Variants in AGL observed in about 807,000 individuals in gnomAD.
The protein encoded by AGL is amylo-alpha-1,6-glucosidase and 4-alpha-glucanotransferase, also known as glycogen debranching enzyme.
A neutral mutation model predicts 199.3 loss-of-function variants in AGL; 128 were observed. The ratio of observed to expected loss-of-function variants is 0.64; its 90% CI spans 0.56 to 0.74. The LOEUF (loss-of-function observed/expected upper bound fraction) is 0.74. Among genes scored for constraint, AGL ranks in the 30% least tolerant of loss-of-function variants. The pLI, the probability that AGL is intolerant of heterozygous loss-of-function variation, is 0.00. For synonymous variants in AGL, 584 were observed against 594.7 expected (o/e 0.98, Z 0.26); for missense variants, 1,809 against 1,820.8 (o/e 0.99, Z 0.12).
intron 21 of AGL, among the ~76,000 whole-genome samples, chr1:99,888,860 T>G (rs1238612104): frequency 6.6e-5 from 10 of 152,210 alleles, no homozygotes; most frequent in East Asian, 5.8e-4. Flanking sequence ...TCATAAAACC[T>G]TCTTTAACTA....
intron 11 of AGL, among the ~76,000 whole-genome samples, chr1:99,877,061 A>G (rs148629593): frequency 2.0e-5 from 3 of 152,272 alleles, no homozygotes; most frequent in East Asian, 3.9e-4. Flanking sequence ...TTCTATAGCT[A>G]TTTCATTACC....
chr1:99,877,667 C>G lies in AGL; in HGVS notation c.1450C>G (p.Leu484Val). The G allele has an allele frequency of 3.1e-6, 5 of 1,613,956 alleles. No individual in the cohort carries two copies. Among genetic ancestry groups the G allele is most frequent in the Non-Finnish European group, 3.4e-6 (4 of 1,179,956 alleles). The change falls in exon 12 of 34, where the codon CTT becomes GTT. Residue 484 changes from leucine (L) to valine (V), a missense_variant. Coordinates refer to ENST00000361915, the MANE Select transcript of AGL (RefSeq NM_000642.3). ...PGSEVYLRRE[L>V]ICWGDSVKLR... is the part of the protein sequence containing the mutation. ...TTCAGAAGTTTACCTAAGGAGAGAACTTATTTGCTGGGGAGACAGTGTTAA... is the reference window on the plus strand; with the variant it reads ...TTCAGAAGTTTACCTAAGGAGAGAAGTTATTTGCTGGGGAGACAGTGTTAA...
chr1:99,860,312 A>G (rs1338991621), intron 2 of AGL, among the ~76,000 whole-genome samples: 5 of 151,778 alleles, frequency 3.3e-5, no homozygotes, highest in Non-Finnish European at 7.4e-5. Flanking sequence ...TTTCCTCTCA[A>G]AGAAATTCCT....
chr1:99,893,417 G>GT (rs764507498), intron 24 of AGL, among the ~76,000 whole-genome samples: 14 of 152,192 alleles, frequency 9.2e-5, no homozygotes, highest in Middle Eastern at 3.4e-3. Context: ...CTATAATTGT[G>GT]TTTTTAGATT....
At chr1:99,860,200 A>G (rs1452191956) in intron 2 of AGL, among the ~76,000 whole-genome samples, 2 of 152,036 alleles carry the variant, frequency 1.3e-5, no homozygotes, top group Non-Finnish European at 2.9e-5. Context: ...CACAGAAAAT[A>G]TCCCTGTTAG....
At chr1:99,849,500 TCTC>T (rs753499413), upstream of AGL, among the ~76,000 whole-genome samples, 136 of 152,300 alleles carry the variant, frequency 8.9e-4, no homozygotes, top group Non-Finnish European at 1.6e-3. Context: ...TCTCAGACGA[TCTC>T]CGGGTCTATC....
chr1:99,917,229 A>G (rs1655192054), intron 33 of AGL, among the ~76,000 whole-genome samples: 1 of 152,214 alleles, frequency 6.6e-6, no homozygotes, highest in Non-Finnish European at 1.5e-5. Flanking sequence ...TTATAAGAGT[A>G]TAAATTCAGA....
chr1:99,882,170 G>A (rs1285826102), intron 17 of AGL, among the ~76,000 whole-genome samples: 1 of 151,042 alleles, frequency 6.6e-6, no homozygotes, highest in Non-Finnish European at 1.5e-5. Flanking sequence ...GAAATTTTTG[G>A]CAACTTATAT....
At chr1:99,905,753 A>AT (rs1557784483) in intron 27 of AGL, among the ~76,000 whole-genome samples, 1 of 151,452 alleles carries the variant, frequency 6.6e-6, no homozygotes, top group Admixed American at 6.6e-5. Flanking sequence ...TCTTTTTTTA[A>AT]TTTTTTTGTA....
intron 20 of AGL, among the ~76,000 whole-genome samples, chr1:99,887,308 A>G (rs1216312108): frequency 6.6e-6 from 1 of 152,158 alleles, no homozygotes; most frequent in East Asian, 1.9e-4. Flanking sequence ...CTGCTAACCA[A>G]ACAAAGGGAA....
At position 99,867,106 on chromosome 1, in the gene AGL, A is replaced by C. The variant is rs533668400; in HGVS notation, c.664+2517A>C. On this transcript the variant is annotated intron_variant, in intron 5 of 33. Transcript: ENST00000361915. ...AGTGCTGGGATTACAGGCGTGAGCC[A>C]CTGTGCCCAGCCAGTTTTCTTTTAA... is the stretch of plus-strand genomic sequence containing the variant. Among the ~76,000 whole-genome samples the C allele has an allele frequency of 2.0e-5, 3 of 152,318 alleles. No homozygotes were observed. The East Asian group carries it at 5.8e-4, about 29-fold the overall frequency.
At chr1:99,863,337 T>C (rs376587381) in intron 4 of AGL, among the ~76,000 whole-genome samples, 19 of 152,170 alleles carry the variant, frequency 1.2e-4, no homozygotes, top group Admixed American at 6.5e-4. Context: ...GAAACACTTA[T>C]CATTTCTAAG....
chr1:99,855,632 C>T (rs1017602299), intron 2 of AGL, among the ~76,000 whole-genome samples: 2 of 152,046 alleles, frequency 1.3e-5, no homozygotes, highest in African/African-American at 4.8e-5. Flanking sequence ...GAAACCCCAT[C>T]TCTACCAAAA....
chr1:99,900,905 T>C (rs78715164), intron 26 of AGL, 44 bp downstream of exon 26: 22 of 1,386,212 alleles, frequency 1.6e-5, no homozygotes, highest in Admixed American at 7.4e-5. Flanking sequence ...TTTTTTTTTT[T>C]CTGAAAAATG....
At chr1:99,867,905 A>C (rs955773852) in intron 5 of AGL, among the ~76,000 whole-genome samples, 1 of 152,120 alleles carries the variant, frequency 6.6e-6, no homozygotes, top group Non-Finnish European at 1.5e-5. Context: ...CAGAGCTGAC[A>C]TCCTTTCCCA....
At chr1:99,896,910 G>T (rs182852536) in intron 25 of AGL, among the ~76,000 whole-genome samples, 1 of 152,032 alleles carries the variant, frequency 6.6e-6, no homozygotes, top group African/African-American at 2.4e-5. Context: ...TCCGCCTCCC[G>T]GGTTGAAGCC....
At chr1:99,884,894 G>A (rs900438337) in intron 20 of AGL, among the ~76,000 whole-genome samples, 191 bp downstream of exon 20, 3 of 152,134 alleles carry the variant, frequency 2.0e-5, no homozygotes, top group Non-Finnish European at 4.4e-5. Flanking sequence ...ACCTGCATGT[G>A]TATTCTCTCT....
intron 12 of AGL, 129 bp downstream of exon 12, chr1:99,877,957 A>T: frequency 1.2e-6 from 1 of 834,608 alleles, no homozygotes; most frequent in Non-Finnish European, 2.0e-6. Context: ...TGGTGGTAGT[A>T]TTTATCACTA....
At chr1:99,921,155 ATTACTT>A (rs71816037) in intron 33 of AGL, among the ~76,000 whole-genome samples, 10,386 of 152,088 alleles carry the variant, frequency 0.068, 407 homozygotes, top group Middle Eastern at 0.099. Context: ...GTGTTTCTTC[ATTACTT>A]TTACTTTTAC....
Sources: gnomAD v4.1 joint callset for allele counts (sites outside exome capture counted in the v4.1 genomes callset) on GRCh38, gnomAD v4.1.1 for gene constraint, MANE v1.5 for transcripts, NCBI Gene and HGNC (gene_info 2026-07-23, HGNC 2026-07-21) for gene names.